Variants in TJP2 observed in about 807,000 individuals in gnomAD.
TJP2 encodes Friedreich ataxia region gene X104 (tight junction protein ZO-2).
Under a neutral mutation model 133.1 loss-of-function variants are expected in TJP2, and 91 were observed. That is an observed-to-expected ratio of 0.68 (90% confidence interval 0.58 to 0.81). TJP2 has a LOEUF of 0.81. Among genes scored for constraint, TJP2 ranks in the 40% least tolerant of loss-of-function variants. The pLI is 0.00. For missense variants in TJP2, 1,541 were observed against 1,565.6 expected (o/e 0.98, Z 0.26); for synonymous variants, 592 against 583.4 (o/e 1.01, Z -0.21).
chr9:69,184,237 T>C (rs1008058115), intron 1 of TJP2, among the ~76,000 whole-genome samples: 1 of 152,192 alleles, frequency 6.6e-6, no homozygotes, highest in Admixed American at 6.5e-5. Context: ...ATACAGAGTA[T>C]TAGTTGCCTT....
chr9:69,159,694 C>T (rs550556795), intron 2 of TJP2, among the ~76,000 whole-genome samples: 5 of 151,978 alleles, frequency 3.3e-5, no homozygotes, highest in Admixed American at 6.6e-5. Flanking sequence ...CTGGCTAACA[C>T]GGTGAAACCC....
intron 1 of TJP2, among the ~76,000 whole-genome samples, chr9:69,138,914 C>T (rs1273686761): frequency 6.7e-6 from 1 of 150,374 alleles, no homozygotes; most frequent in East Asian, 2.0e-4. Flanking sequence ...GAGATTCCAT[C>T]TCAAAAAAAA....
rs199531329 is a variant in TJP2, at chr9:69,142,133, G to A, written c.-130-9518G>A. On this transcript the variant is annotated intron_variant, in intron 1 of 5. Coordinates refer to the TJP2 transcript ENST00000423935. ...ACCAGGAGGTGGATGCACAGAAGCC[G>A]GAAAAGGCAAGGGGCACTGTAGCTG... 1.6e-3 allele frequency among the ~76,000 whole-genome samples: 247 copies of A among 152,318 alleles called. 2 individuals carry two copies. Among genetic ancestry groups the A allele is most frequent in the Non-Finnish European group, 3.0e-3 (203 of 68,028 alleles).
At chr9:69,237,516 A>T (rs77829983) in intron 14 of TJP2, among the ~76,000 whole-genome samples, 1 of 152,226 alleles carries the variant, frequency 6.6e-6, no homozygotes, top group East Asian at 1.9e-4. Flanking sequence ...AAATAAAAAA[A>T]GTTTCCATAT....
chr9:69,211,193 CG>C (rs1827881262), intron 1 of TJP2, among the ~76,000 whole-genome samples: 2 of 152,168 alleles, frequency 1.3e-5, no homozygotes, highest in South Asian at 4.2e-4. Context: ...AAAAATTAGC[CG>C]GGCGTGGTAG....
At chr9:69,252,666 G>C in intron 21 of TJP2, 149 bp from the exon 22 acceptor site, 1 of 753,824 alleles carries the variant, frequency 1.3e-6, no homozygotes, top group African/African-American at 1.7e-5. Flanking sequence ...ATGGAAATGA[G>C]GAGGCCGCTT....
At chr9:69,159,389 T>A (rs997310115) in intron 2 of TJP2, among the ~76,000 whole-genome samples, 2 of 79,940 alleles carry the variant, frequency 2.5e-5, no homozygotes, top group Non-Finnish European at 4.6e-5. Context: ...CTGTTTGATA[T>A]TGATATTTGA....
intron 4 of TJP2, among the ~76,000 whole-genome samples, chr9:69,219,337 A>G (rs1196683956): frequency 6.6e-6 from 1 of 152,240 alleles, no homozygotes; most frequent in Non-Finnish European, 1.5e-5. Flanking sequence ...GAAAGTTGAA[A>G]GATCAGTGTA....
chr9:69,221,664 C>T (rs1828874938), intron 5 of TJP2, among the ~76,000 whole-genome samples, 168 bp downstream of exon 5: 2 of 151,842 alleles, frequency 1.3e-5, no homozygotes, highest in East Asian at 1.9e-4. Context: ...AGTGATTCTC[C>T]TGCCTCAGCC....
chr9:69,242,991 G>A (rs1420140656), intron 17 of TJP2, among the ~76,000 whole-genome samples: 1 of 152,094 alleles, frequency 6.6e-6, no homozygotes, highest in Non-Finnish European at 1.5e-5. Context: ...AGCCTCCCCA[G>A]TAGCTGGGAC....
At chr9:69,226,335 T>C (rs535539969) in intron 7 of TJP2, among the ~76,000 whole-genome samples, 160 bp downstream of exon 7, 1 of 152,348 alleles carries the variant, frequency 6.6e-6, no homozygotes, top group African/African-American at 2.4e-5. Context: ...GTTATTTGCT[T>C]ATTAAAGTGC....
chr9:69,160,422 T>A (rs1824006888), intron 2 of TJP2, among the ~76,000 whole-genome samples: 1 of 152,212 alleles, frequency 6.6e-6, no homozygotes, highest in African/African-American at 2.4e-5. Flanking sequence ...TGATGTACCT[T>A]CTACAAACCT....
Position 69,198,159 on chromosome 9 carries a change from T to TTTTTG in TJP2, c.61-14389_61-14388insTTTTG, listed in dbSNP as rs10674501. ...CCCAATTCTTTTTTTTTTTTTTTTT[T>TTTTTG]GAGACTGAGTTTCACTCTGTCACCC... On this transcript the variant is annotated intron_variant, in intron 1 of 22. Coordinates refer to ENST00000377245, the MANE Select transcript of TJP2 (RefSeq NM_004817.4). 1.1e-4 allele frequency among the ~76,000 whole-genome samples: 15 copies of TTTTTG among 133,140 alleles called. 1 individual carries two copies. Among genetic ancestry groups the TTTTTG allele is most frequent in the East Asian group, 2.3e-4 (1 of 4,410 alleles). 87.3% of individuals were successfully genotyped at this position (133,140 alleles called of 152,430 possible). A position where few individuals can be genotyped will look rare whatever the true frequency, so the allele number is the denominator to read the frequency against.
chr9:69,212,470 C>A (rs1239524170), intron 1 of TJP2, 78 bp from the exon 2 acceptor site: 7 of 1,096,898 alleles, frequency 6.4e-6, no homozygotes, highest in Non-Finnish European at 8.5e-6. Context: ...TATGTCGAGG[C>A]ATTTTGAATG....
At chr9:69,134,744 A>G (rs565886123) in intron 1 of TJP2, among the ~76,000 whole-genome samples, 78 of 151,976 alleles carry the variant, frequency 5.1e-4, no homozygotes, top group South Asian at 2.1e-3. Flanking sequence ...GCTATAATGA[A>G]GTACCAATGA....
chr9:69,246,487 A>G, intron 17 of TJP2: 1 of 593,760 alleles, frequency 1.7e-6, no homozygotes, highest in Non-Finnish European at 3.0e-6. Flanking sequence ...ATCCACCTAT[A>G]ATGTGAACTC....
Position 69,205,321 on chromosome 9 carries a change from C to T in TJP2, c.61-7227C>T, listed in dbSNP as rs1233180513. ...AAGCAAAACCATTCTCACAGTGAGTCCTTTATCCTCAGATTGATTTGTGCT... is the reference window on the plus strand; with the variant it reads ...AAGCAAAACCATTCTCACAGTGAGTTCTTTATCCTCAGATTGATTTGTGCT... On this transcript the variant is annotated intron_variant, in intron 1 of 22. Coordinates refer to ENST00000377245, the MANE Select transcript of TJP2 (RefSeq NM_004817.4). The T allele has an allele frequency of 2.0e-6, 3 of 1,528,238 alleles. No homozygotes were observed. In the Admixed American group the frequency reaches 6.0e-5, roughly 31 times the overall value. 94.7% of individuals were successfully genotyped at this position (1,528,238 alleles called of 1,614,324 possible).
chr9:69,135,957 ACT>A (rs753397264), intron 1 of TJP2, among the ~76,000 whole-genome samples: 1 of 152,040 alleles, frequency 6.6e-6, no homozygotes, highest in East Asian at 1.9e-4. Flanking sequence ...TAAGAAGTAA[ACT>A]CTAATATTAT....
At position 69,254,119 on chromosome 9, in the gene TJP2, C is replaced by T; in HGVS notation, c.3408-90C>T. ...AGAGGTAAGTGATCTGCTCGGGATA[C>T]CCAGTCACTGTGCTCAGAGCCATGC... On this transcript the variant is annotated intron_variant, in intron 22 of 22. Coordinates refer to ENST00000377245, the MANE Select transcript of TJP2 (RefSeq NM_004817.4). The T allele has an allele frequency of 2.1e-6, 3 of 1,442,418 alleles. No homozygotes were observed. The South Asian group carries it at 3.4e-5, about 17-fold the overall frequency. 89.4% of individuals were successfully genotyped at this position (1,442,418 alleles called of 1,614,324 possible).
Sources: allele counts gnomAD v4.1 joint callset (sites outside exome capture counted in the v4.1 genomes callset), GRCh38; gene constraint gnomAD v4.1.1; transcripts MANE v1.5; gene names NCBI Gene and HGNC (gene_info 2026-07-23, HGNC 2026-07-21).